Variants in CDH8 observed in about 807,000 individuals in gnomAD.
The protein encoded by CDH8 is cadherin 8.
Under a neutral mutation model 68.1 loss-of-function variants are expected in CDH8, and 17 were observed. The observed-to-expected ratio is 0.25, with a 90% CI of 0.17 to 0.37. CDH8 has a LOEUF of 0.37. CDH8 is among the 10% of genes least tolerant of loss of function. The pLI, the probability that CDH8 is intolerant of heterozygous loss-of-function variation, is 1.00. For synonymous variants in CDH8, 372 were observed against 365.1 expected (o/e 1.02, Z -0.21); for missense variants, 763 against 999.3 (o/e 0.76, Z 3.19).
In CDH8 at chr16:61,782,340, A is replaced by T. The variant is rs550395333; in HGVS notation, c.1414+7006T>A. 1.4e-4 allele frequency among the ~76,000 whole-genome samples: 21 copies of T among 152,306 alleles called. No individual in the cohort carries two copies. In the South Asian group the frequency reaches 4.1e-3, roughly 30 times the overall value. On this transcript the variant is annotated intron_variant, in intron 8 of 11. Coordinates refer to ENST00000577390, the MANE Select transcript of CDH8 (RefSeq NM_001796.5). The stretch of plus-strand genomic sequence containing the variant: ...AGAAAGGGGTGACGGACGCACCTGG[A>T]AAATCGGGTCACTCCAACCCGAATA...
At chr16:61,757,799 C>T (rs945603298) in intron 8 of CDH8, among the ~76,000 whole-genome samples, 13 of 152,136 alleles carry the variant, frequency 8.5e-5, no homozygotes, top group Non-Finnish European at 1.3e-4. Context: ...TTCAAAGCTG[C>T]CCCAGTTTAT....
At chr16:61,902,597 G>A (rs930808737) in intron 2 of CDH8, among the ~76,000 whole-genome samples, 5 of 133,734 alleles carry the variant, frequency 3.7e-5, no homozygotes, top group Non-Finnish European at 6.4e-5. Flanking sequence ...AAAAAAAACC[G>A]CCTTGTGGAA....
chr16:61,920,209 T>C (rs558328913), intron 2 of CDH8, among the ~76,000 whole-genome samples: 3,663 of 136,782 alleles, frequency 0.027, 72 homozygotes, highest in African/African-American at 0.1. Context: ...ACTTCATGTC[T>C]AAAACACCAA....
At chr16:61,700,568 C>T (rs543674948) in intron 10 of CDH8, among the ~76,000 whole-genome samples, 32 of 152,214 alleles carry the variant, frequency 2.1e-4, no homozygotes, top group East Asian at 7.7e-4. Flanking sequence ...CGTGAGCCAC[C>T]GCACCTGTCT....
chr16:61,750,337 A>G (rs954188943), intron 8 of CDH8, among the ~76,000 whole-genome samples: 6 of 152,094 alleles, frequency 3.9e-5, no homozygotes, highest in Admixed American at 1.3e-4. Flanking sequence ...ACAGTGGGAG[A>G]GTGAAGTGGA....
intron 2 of CDH8, among the ~76,000 whole-genome samples, chr16:61,919,061 A>G (rs1167092991): frequency 6.8e-6 from 1 of 146,376 alleles, no homozygotes; most frequent in Non-Finnish European, 1.5e-5. Flanking sequence ...GCATACTGAC[A>G]CCTCACACGG....
chr16:61,808,799 T>C (rs1961867996), intron 7 of CDH8, among the ~76,000 whole-genome samples: 1 of 152,138 alleles, frequency 6.6e-6, no homozygotes, highest in Non-Finnish European at 1.5e-5. Flanking sequence ...GTAAAGAACG[T>C]ATTTTAGGTT....
Position 61,895,156 on chromosome 16 carries a change from T to A in CDH8, c.547+6023A>T, listed in dbSNP as rs565080268. ...TCCAATTCTCCTCTCAGTACTTCAA[T>A]TTAATTTGCAAAGTAGGCTGACCTC... On this transcript the variant is annotated intron_variant, in intron 3 of 11. Transcript: ENST00000577390. 2.2e-4 allele frequency among the ~76,000 whole-genome samples: 33 copies of A among 152,268 alleles called. No individual in the cohort carries two copies. The South Asian group carries it at 5.8e-3, about 27-fold the overall frequency.
chr16:61,979,373 T>A (rs1965493608), intron 2 of CDH8, among the ~76,000 whole-genome samples: 1 of 151,872 alleles, frequency 6.6e-6, no homozygotes, highest in Non-Finnish European at 1.5e-5. Flanking sequence ...AATAAAAAAC[T>A]TTTATTTACA....
chr16:61,860,094 G>A (rs947631965), intron 3 of CDH8, among the ~76,000 whole-genome samples: 11 of 152,028 alleles, frequency 7.2e-5, no homozygotes, highest in African/African-American at 2.7e-4. Context: ...GCCCACCTCT[G>A]CCTCCCAAAG....
chr16:61,685,673 C>T (rs150291466), intron 10 of CDH8, among the ~76,000 whole-genome samples: 1 of 151,836 alleles, frequency 6.6e-6, no homozygotes, highest in Admixed American at 6.6e-5. Context: ...TTAACATAGA[C>T]CAGGCACAGC....
chr16:61,782,404 G>T (rs1185363033), intron 8 of CDH8, among the ~76,000 whole-genome samples: 4 of 151,730 alleles, frequency 2.6e-5, no homozygotes, highest in Admixed American at 6.6e-5. Flanking sequence ...GGCGCACCAC[G>T]AGACTATATC....
intron 2 of CDH8, among the ~76,000 whole-genome samples, chr16:61,932,478 A>G (rs1168845329): frequency 6.6e-6 from 1 of 152,154 alleles, no homozygotes; most frequent in African/African-American, 2.4e-5. Flanking sequence ...GAGTAATGTG[A>G]TTTTTAATAT....
At chr16:61,910,433 G>T (rs1323333512) in intron 2 of CDH8, among the ~76,000 whole-genome samples, 2 of 151,862 alleles carry the variant, frequency 1.3e-5, no homozygotes, top group Non-Finnish European at 2.9e-5. Flanking sequence ...AATCTTATGG[G>T]CTTGGAAATC....
At chr16:61,917,097 G>A (rs1458947160) in intron 2 of CDH8, among the ~76,000 whole-genome samples, 1 of 150,580 alleles carries the variant, frequency 6.6e-6, no homozygotes, top group Non-Finnish European at 1.5e-5. Flanking sequence ...GTGTGTGTGT[G>A]TGTGTGTGTA....
chr16:61,925,369 C>T (rs1442968776), intron 2 of CDH8, among the ~76,000 whole-genome samples: 1 of 152,152 alleles, frequency 6.6e-6, no homozygotes, highest in African/African-American at 2.4e-5. Context: ...ATTGTTTCTC[C>T]TTACCCCAGT....
At chr16:61,787,135 C>T (rs2142993614) in intron 8 of CDH8, among the ~76,000 whole-genome samples, 1 of 151,810 alleles carries the variant, frequency 6.6e-6, no homozygotes, top group South Asian at 2.1e-4. Flanking sequence ...AAAGAAACTA[C>T]CATCAGAGTG....
chr16:61,817,846 T>G (rs1962116433), intron 6 of CDH8, 114 bp from the exon 7 acceptor site: 4 of 977,774 alleles, frequency 4.1e-6, no homozygotes, highest in Middle Eastern at 2.2e-4. Flanking sequence ...TTTGTGAGCC[T>G]TAATGGGATC....
intron 3 of CDH8, among the ~76,000 whole-genome samples, chr16:61,874,434 C>T (rs746456341): frequency 4.0e-4 from 61 of 151,916 alleles, no homozygotes; most frequent in Non-Finnish European, 7.2e-4. Context: ...CAGGTTCAGG[C>T]CATTCTCCTG....
Sources: allele counts gnomAD v4.1 joint callset (sites outside exome capture counted in the v4.1 genomes callset), GRCh38; gene constraint gnomAD v4.1.1; transcripts MANE v1.5; gene names NCBI Gene and HGNC (gene_info 2026-07-23, HGNC 2026-07-21).